CAST: variants seen among roughly 807,000 people sequenced by gnomAD.
The protein encoded by CAST is calpastatin, also known as MIR583 host.
Under a neutral mutation model 119.6 loss-of-function variants are expected in CAST, and 76 were observed. That is an observed-to-expected ratio of 0.64 (90% CI 0.53 to 0.77). The LOEUF (loss-of-function observed/expected upper bound fraction) is 0.77. Among genes scored for constraint, CAST ranks in the 30% least tolerant of loss-of-function variants. The pLI is 0.00. For missense variants in CAST, 953 were observed against 946.5 expected (o/e 1.01, Z -0.09); for synonymous variants, 319 against 331.6 (o/e 0.96, Z 0.41).
chr5:96,517,405 T>G, the CAST span, among the ~76,000 whole-genome samples: 1 of 152,166 alleles, frequency 6.6e-6, no homozygotes, highest in Non-Finnish European at 1.5e-5. Context: ...ACGTTTCAAA[T>G]AAACAAAATG....
the CAST span, among the ~76,000 whole-genome samples, chr5:96,275,571 C>G: frequency 1.3e-5 from 2 of 152,194 alleles, no homozygotes; most frequent in South Asian, 4.1e-4. Context: ...CCTCCTTTCC[C>G]TGTCCTCATA....
At chr5:96,438,375 T>A in the CAST span, among the ~76,000 whole-genome samples, 2 of 152,178 alleles carry the variant, frequency 1.3e-5, no homozygotes, top group Non-Finnish European at 2.9e-5. Flanking sequence ...TATTCTTAAC[T>A]CATTTATAGA....
chr5:96,654,159 G>T (rs1260786849), intron 1 of CAST, among the ~76,000 whole-genome samples: 17 of 151,908 alleles, frequency 1.1e-4, no homozygotes, highest in African/African-American at 4.1e-4. Context: ...AAGTAGCTGG[G>T]ATTACAGGTG....
chr5:96,022,448 G>T, the CAST span, among the ~76,000 whole-genome samples: 1 of 152,172 alleles, frequency 6.6e-6, no homozygotes, highest in African/African-American at 2.4e-5. Flanking sequence ...AGCACCTAGT[G>T]CAGTGATCTA....
chr5:96,444,023 A>G, the CAST span, among the ~76,000 whole-genome samples: 1 of 152,216 alleles, frequency 6.6e-6, no homozygotes, highest in Non-Finnish European at 1.5e-5. Flanking sequence ...AATCACAGCA[A>G]TATAAGAAAT....
chr5:96,632,928 G>C (rs1365663563), intron 1 of CAST, among the ~76,000 whole-genome samples: 1 of 151,984 alleles, frequency 6.6e-6, no homozygotes, highest in Non-Finnish European at 1.5e-5. Flanking sequence ...AATTTGATAG[G>C]GATTGCATTT....
chr5:96,692,332 C>A (rs192261876), intron 2 of CAST, among the ~76,000 whole-genome samples: 6 of 152,014 alleles, frequency 3.9e-5, no homozygotes, highest in Non-Finnish European at 7.4e-5. Context: ...CACCTGGAGG[C>A]AAGGGAGGAC....
At chr5:96,368,873 C>A in the CAST span, among the ~76,000 whole-genome samples, 1 of 152,110 alleles carries the variant, frequency 6.6e-6, no homozygotes, top group Non-Finnish European at 1.5e-5. Flanking sequence ...GAAATTTAAA[C>A]CTGGAAAGAA....
At position 96,767,974 on chromosome 5, in the gene CAST, C is replaced by A; in HGVS notation, c.2243C>A (p.Thr748Lys). 6.2e-7 allele frequency: 1 copy of A among 1,612,802 alleles called. No homozygotes were observed. Among genetic ancestry groups the A allele is most frequent in the Non-Finnish European group, 8.5e-7 (1 of 1,178,866 alleles). ...GATCTGGACAGCTGTCCCTCCACTA[C>A]AGAAACCTCACAGAACACAGCAAAG... ...SGDLDSCPST[T>K]ETSQNTAKDK... The change falls in exon 29 of 32, where the codon ACA becomes AAA. Residue 748 changes from threonine (T) to lysine (K), a missense_variant. Physicochemically the swap from Thr to Lys is moderately conservative, Grantham distance 78. Transcript: ENST00000675179.
chr5:96,316,746 C>A, the CAST span, among the ~76,000 whole-genome samples: 1 of 152,044 alleles, frequency 6.6e-6, no homozygotes. Flanking sequence ...CCTAAGCCAC[C>A]CAGGGCCAAA....
At chr5:96,274,292 C>T in the CAST span, among the ~76,000 whole-genome samples, 2 of 151,666 alleles carry the variant, frequency 1.3e-5, no homozygotes, top group Non-Finnish European at 2.9e-5. Context: ...TTAGTAGATA[C>T]GGGGTTTCAC....
chr5:96,178,929 A>G, the CAST span, among the ~76,000 whole-genome samples: 2 of 152,172 alleles, frequency 1.3e-5, no homozygotes, highest in African/African-American at 4.8e-5. Context: ...TGTGTTCCTG[A>G]TCTCAATGAA....
chr5:96,626,973 T>C (rs951992499), intron 1 of CAST, among the ~76,000 whole-genome samples: 1 of 152,224 alleles, frequency 6.6e-6, no homozygotes, highest in African/African-American at 2.4e-5. Context: ...ATTTTTACCA[T>C]GAATATTTTG....
At chr5:96,048,028 A>G in the CAST span, among the ~76,000 whole-genome samples, 331 of 152,330 alleles carry the variant, frequency 2.2e-3, 3 homozygotes, top group Admixed American at 0.019. Context: ...TCTCAGTTAG[A>G]GAAAGCAGGA....
At chr5:96,760,948 A>G (rs759209134) in intron 24 of CAST, 32 of 152,252 alleles carry the variant, frequency 2.1e-4, no homozygotes, top group Admixed American at 4.6e-4. Context: ...ACTTTTAGGT[A>G]AGATTAATCC....
the CAST span, among the ~76,000 whole-genome samples, chr5:96,290,301 T>A: frequency 6.6e-6 from 1 of 152,228 alleles, no homozygotes; most frequent in African/African-American, 2.4e-5. Flanking sequence ...CTAGTTACTG[T>A]TGGGAATTCT....
chr5:96,020,679 G>T, the CAST span, among the ~76,000 whole-genome samples: 1 of 152,148 alleles, frequency 6.6e-6, no homozygotes, highest in Non-Finnish European at 1.5e-5. Flanking sequence ...CAGTCTAGTT[G>T]CAGGAAAACA....
At chr5:96,268,305 G>A in the CAST span, among the ~76,000 whole-genome samples, 2 of 152,150 alleles carry the variant, frequency 1.3e-5, no homozygotes, top group African/African-American at 2.4e-5. Context: ...AACTGCAGTG[G>A]CTCATTCCTA....
chr5:96,438,528 G>C, the CAST span, among the ~76,000 whole-genome samples: 1 of 152,058 alleles, frequency 6.6e-6, no homozygotes, highest in Non-Finnish European at 1.5e-5. Context: ...TAAAACTTTT[G>C]AGGAGTACTA....
Sources: allele counts gnomAD v4.1 joint callset (sites outside exome capture counted in the v4.1 genomes callset), GRCh38; gene constraint gnomAD v4.1.1; transcripts MANE v1.5; gene names NCBI Gene and HGNC (gene_info 2026-07-23, HGNC 2026-07-21).